Variants in FAM227B observed in about 807,000 individuals in gnomAD.
The protein encoded by FAM227B is family with sequence similarity 227 member B.
In FAM227B, 88 loss-of-function variants were observed where a neutral mutation model predicts 73.8. The ratio of observed to expected loss-of-function variants is 1.19; its 90% CI spans 1.00 to 1.42. The LOEUF is 1.42. Ranked by LOEUF, FAM227B falls within the 40% of genes most tolerant of loss-of-function variation. The pLI, the probability that FAM227B is intolerant of heterozygous loss-of-function variation, is 0.00. For missense variants in FAM227B, 632 were observed against 590.9 expected, an observed-to-expected ratio of 1.07 and a Z score of -0.72; for synonymous variants, 210 against 190.5, an observed-to-expected ratio of 1.10 and a Z score of -0.84.
rs190752750 is a variant in FAM227B at position 49,381,018 on chromosome 15, A to G, written c.1013-9619T>C. Among the ~76,000 whole-genome samples the G allele has an allele frequency of 1.7e-4, 26 of 152,314 alleles. No individual in the cohort carries two copies. In the East Asian group the frequency reaches 2.5e-3, roughly 15 times the overall value. ...GAGATTACAATCGTGGTAAAAGGCA[A>G]AGGAGGAGCCCATGTGTCATCTGGT... On this transcript the variant is annotated intron_variant, in intron 11 of 15. Coordinates refer to ENST00000299338, the MANE Select transcript of FAM227B (RefSeq NM_152647.3).
chr15:49,387,640 C>T (rs2046964338), intron 11 of FAM227B, among the ~76,000 whole-genome samples: 2 of 151,690 alleles, frequency 1.3e-5, no homozygotes, highest in African/African-American at 4.8e-5. Context: ...ACCAATCAGG[C>T]AAGAGAAAGA....
Position 49,371,305 on chromosome 15 carries a change from T to C in FAM227B, c.1107A>G (p.Thr369=). 3 of 1,568,084 alleles carry C rather than the reference T, an allele frequency of 1.9e-6. No individual in the cohort carries two copies. The highest frequency in any genetic ancestry group is 2.6e-6 in the Non-Finnish European group (3 of 1,142,912). The part of the protein sequence containing the change: ...KEESRLSRLA[T]KSHYSSTGPE... ...TCATAATTATTATACTCCAAACCTT[T>C]GTTGCTAGTCTTGATAATCTTGATT... The change falls in exon 12 of 16, where the codon ACA becomes ACG. Residue 369 remains threonine (T), a synonymous_variant. Transcript: ENST00000299338.
intron 13 of FAM227B, among the ~76,000 whole-genome samples, chr15:49,344,889 C>A (rs1439759470): frequency 1.3e-5 from 2 of 152,154 alleles, no homozygotes; most frequent in African/African-American, 4.8e-5. Context: ...CATCTAAAAT[C>A]TTTTCTGAGT....
At chr15:49,576,914 T>C (rs2075482008) in intron 6 of FAM227B, 69 bp from the exon 7 acceptor site, 1 of 796,802 alleles carries the variant, frequency 1.3e-6, no homozygotes, top group Non-Finnish European at 2.1e-6. Flanking sequence ...CTCATATAAC[T>C]ACAGAAGACC....
chr15:49,615,176 CAGTAACTTTGCAGAAATGAAGAGAAA>C lies in FAM227B; in HGVS notation c.-31_-6del. ...ACATGTTCGTTGGCCTGCCATGGTACAGTAACTTTGCAGAAATGAAGAGAAATCAGCTGGGTCTTAGGCTTCAATGT... is the reference window on the plus strand; with the variant it reads ...ACATGTTCGTTGGCCTGCCATGGTACTCAGCTGGGTCTTAGGCTTCAATGT... On this transcript the variant is annotated 5_prime_UTR_variant, in exon 2 of 16. Coordinates refer to ENST00000299338, the MANE Select transcript of FAM227B (RefSeq NM_152647.3). 6.2e-7 allele frequency: 1 copy of C among 1,614,006 alleles called. No homozygotes were observed. The highest frequency in any genetic ancestry group is 8.5e-7 in the Non-Finnish European group (1 of 1,179,876).
intron 9 of FAM227B, among the ~76,000 whole-genome samples, chr15:49,549,915 ACCCCCCCCACCTCCCTCCCGGATG>A (rs1567552568): frequency 1.0e-4 from 11 of 108,784 alleles, no homozygotes; most frequent in Non-Finnish European, 1.9e-4. Context: ...CGGGGGGCTG[ACCCCCCCCACCTCCCTCCCGGATG>A]GGGCGGCTGG....
intron 13 of FAM227B, among the ~76,000 whole-genome samples, chr15:49,349,321 A>C (rs2041938114): frequency 1.3e-5 from 2 of 152,146 alleles, no homozygotes; most frequent in African/African-American, 4.8e-5. Context: ...TTTTCATTTT[A>C]AAACTCATCC....
chr15:49,362,025 TG>T (rs2044329135), intron 13 of FAM227B, among the ~76,000 whole-genome samples: 1 of 152,240 alleles, frequency 6.6e-6, no homozygotes, highest in South Asian at 2.1e-4. Context: ...CATATGCTTG[TG>T]GGTTACGTGT....
chr15:49,578,649 T>C (rs935674046), intron 5 of FAM227B, among the ~76,000 whole-genome samples: 7 of 152,166 alleles, frequency 4.6e-5, no homozygotes, highest in African/African-American at 1.7e-4. Context: ...AAGAATGATG[T>C]ATTGCTTCCA....
chr15:49,541,942 C>T (rs1183144367), intron 9 of FAM227B, 136 bp from the exon 10 acceptor site: 2 of 659,234 alleles, frequency 3.0e-6, no homozygotes, highest in Admixed American at 8.8e-5. Flanking sequence ...TTTTTAAATT[C>T]TAAAATCACA....
At chr15:49,458,659 A>G (rs750066323) in intron 11 of FAM227B, among the ~76,000 whole-genome samples, 1 of 152,138 alleles carries the variant, frequency 6.6e-6, no homozygotes, top group Non-Finnish European at 1.5e-5. Flanking sequence ...ACAAATGGGA[A>G]TCTAATACTT....
intron 2 of FAM227B, 134 bp downstream of exon 2, chr15:49,614,987 G>A (rs867540301): frequency 6.5e-5 from 50 of 772,248 alleles, no homozygotes; most frequent in African/African-American, 5.3e-4. Context: ...TCTGTGCAGC[G>A]AGCATTAAGA....
chr15:49,584,374 A>G lies in FAM227B; in HGVS notation c.405+3642T>C, dbSNP rs117264799. Among the ~76,000 whole-genome samples, 14 of 152,334 alleles carry G rather than the reference A, an allele frequency of 9.2e-5. No individual in the cohort carries two copies. In the East Asian group the frequency reaches 2.7e-3, roughly 29 times the overall value. ...TTGAAGGTACATACCTCAAAATAATAACAGCCAACTATGACAAACTTACAG... is the reference window on the plus strand; with the variant it reads ...TTGAAGGTACATACCTCAAAATAATGACAGCCAACTATGACAAACTTACAG... On this transcript the variant is annotated intron_variant, in intron 5 of 15. Transcript: ENST00000299338.
chr15:49,402,812 C>G (rs1023182836), intron 11 of FAM227B, among the ~76,000 whole-genome samples: 3 of 152,098 alleles, frequency 2.0e-5, no homozygotes, highest in African/African-American at 4.8e-5. Context: ...GCTTCCAATG[C>G]TATGTTGAAT....
chr15:49,347,080 G>C (rs1408710195), intron 13 of FAM227B, among the ~76,000 whole-genome samples: 2 of 152,114 alleles, frequency 1.3e-5, no homozygotes, highest in Non-Finnish European at 2.9e-5. Flanking sequence ...ATGTAAAATA[G>C]GATTGCAGTT....
At chr15:49,450,447 G>T (rs2052620855) in intron 11 of FAM227B, among the ~76,000 whole-genome samples, 1 of 151,774 alleles carries the variant, frequency 6.6e-6, no homozygotes, top group African/African-American at 2.4e-5. Flanking sequence ...CATTTTTTAA[G>T]CCCCTCCTCT....
At chr15:49,517,165 C>T (rs954178310) in intron 10 of FAM227B, among the ~76,000 whole-genome samples, 2 of 152,102 alleles carry the variant, frequency 1.3e-5, no homozygotes, top group African/African-American at 4.8e-5. Flanking sequence ...ACTAATACAG[C>T]CTCTTGTGAT....
intron 9 of FAM227B, among the ~76,000 whole-genome samples, chr15:49,553,934 A>T (rs572530280): frequency 1.3e-5 from 2 of 152,302 alleles, no homozygotes; most frequent in East Asian, 3.9e-4. Flanking sequence ...GTCTCAGAGT[A>T]TCACCCAGGG....
At chr15:49,394,715 G>C (rs1225143247) in intron 11 of FAM227B, among the ~76,000 whole-genome samples, 25 of 152,128 alleles carry the variant, frequency 1.6e-4, no homozygotes. Context: ...TAACTATAAT[G>C]ATTAGCCATG....
Sources: gnomAD v4.1 joint callset for allele counts (sites outside exome capture counted in the v4.1 genomes callset) on GRCh38, gnomAD v4.1.1 for gene constraint, MANE v1.5 for transcripts, NCBI Gene and HGNC (gene_info 2026-07-23, HGNC 2026-07-21) for gene names.